The following PARD3 variants were observed in gnomAD, a reference collection of about 807,000 sequenced individuals.
The protein encoded by PARD3 is par-3 family cell polarity regulator, also known as partitioning defective 3 homolog.
PARD3 carries 75 observed loss-of-function variants against 155.4 expected under a neutral mutation model. The observed-to-expected ratio is 0.48, with a 90% CI of 0.40 to 0.58. The LOEUF (loss-of-function observed/expected upper bound fraction) is 0.58. Among genes scored for constraint, PARD3 ranks in the 20% least tolerant of loss-of-function variants. The probability of loss-of-function intolerance (pLI) is 0.00; values close to 1 mark genes in which losing one functional copy is unlikely to be tolerated. For synonymous variants in PARD3, 576 were observed against 610.5 expected (o/e 0.94, Z 0.83); for missense variants, 1,642 against 1,721.7 (o/e 0.95, Z 0.82).
At position 34,118,126 on chromosome 10, in the gene PARD3, TA is replaced by T. The variant is rs1946784172; in HGVS notation, c.3668+1486del. 2.0e-5 allele frequency among the ~76,000 whole-genome samples: 3 copies of T among 152,176 alleles called. No homozygotes were observed. In the South Asian group the frequency reaches 6.2e-4, roughly 32 times the overall value. On this transcript the variant is annotated intron_variant, in intron 24 of 24. Coordinates refer to ENST00000374788, the MANE Select transcript of PARD3 (RefSeq NM_001184785.2). ...TTAATGACTCTTACCTACAGCAGGCTAAAGAACCTGGCAATTCTCCTCTTTA... is the reference window on the plus strand; with the variant it reads ...TTAATGACTCTTACCTACAGCAGGCTAAGAACCTGGCAATTCTCCTCTTTA...
intron 1 of PARD3, among the ~76,000 whole-genome samples, chr10:34,716,496 G>A (rs184769697): frequency 6.6e-6 from 1 of 151,568 alleles, no homozygotes; most frequent in East Asian, 1.9e-4. Flanking sequence ...GGGAGGAGGG[G>A]ACAAAAGAGC....
chr10:34,448,134 C>CGCGT (rs1554860424), intron 5 of PARD3, among the ~76,000 whole-genome samples: 1 of 147,042 alleles, frequency 6.8e-6, no homozygotes, highest in Non-Finnish European at 1.5e-5. Flanking sequence ...ATATACACTG[C>CGCGT]GTGTGTGTGT....
intron 7 of PARD3, among the ~76,000 whole-genome samples, chr10:34,392,360 T>C (rs1487141642): frequency 6.6e-6 from 1 of 152,176 alleles, no homozygotes; most frequent in Non-Finnish European, 1.5e-5. Context: ...CCTGATATTC[T>C]GAATATTGTA....
intron 20 of PARD3, among the ~76,000 whole-genome samples, chr10:34,306,378 G>A (rs932614728): frequency 1.1e-4 from 17 of 151,062 alleles, no homozygotes; most frequent in South Asian, 8.4e-4. Context: ...CGGGCCAGGC[G>A]TGGCAGCTCA....
At chr10:34,453,141 G>A (rs1167200042) in intron 4 of PARD3, among the ~76,000 whole-genome samples, 1 of 152,164 alleles carries the variant, frequency 6.6e-6, no homozygotes, top group Non-Finnish European at 1.5e-5. Context: ...TTCAGACAAT[G>A]GTGCTTACTG....
chr10:34,245,046 CGGGAGA>C (rs1953854802), intron 22 of PARD3, among the ~76,000 whole-genome samples: 1 of 150,304 alleles, frequency 6.7e-6, no homozygotes, highest in Non-Finnish European at 1.5e-5. Context: ...AAGAAGATGT[CGGGAGA>C]ACACAGGGAA....
In PARD3 at chr10:34,382,685, G is replaced by A. The variant is rs1346834953; in HGVS notation, c.1254C>T (p.His418=). Residue 418 remains histidine (H), a synonymous_variant, in exon 9 of 25, where the codon CAC becomes CAT. Coordinates refer to ENST00000374788, the MANE Select transcript of PARD3 (RefSeq NM_001184785.2). ...LNHPPEQIDS[H]SRLPHSAHPS... ...GGTGTGCGCTATGAGGTAGTCTTGA[G>A]TGAGAGTCTATCTGCTCAGGCGGGT... The A allele has an allele frequency of 6.2e-7, 1 of 1,614,068 alleles. No individual in the cohort carries two copies. The highest frequency in any genetic ancestry group is 8.5e-7 in the Non-Finnish European group (1 of 1,180,050).
At chr10:34,541,775 T>A (rs755031907) in intron 2 of PARD3, among the ~76,000 whole-genome samples, 1 of 152,190 alleles carries the variant, frequency 6.6e-6, no homozygotes, top group Non-Finnish European at 1.5e-5. Flanking sequence ...ACACATCCCA[T>A]CCACAGAGAA....
intron 14 of PARD3, among the ~76,000 whole-genome samples, chr10:34,349,620 C>T (rs11009747): frequency 0.27 from 21,084 of 77,242 alleles, 2,532 homozygotes; most frequent in African/African-American, 0.48. Context: ...GCTAATAAAA[C>T]GAATACTCTA....
intron 22 of PARD3, among the ~76,000 whole-genome samples, chr10:34,148,567 C>G (rs551287231): frequency 6.6e-6 from 1 of 152,272 alleles, no homozygotes; most frequent in Non-Finnish European, 1.5e-5. Flanking sequence ...AATGCCATCT[C>G]TGTGGTCTCA....
Position 34,662,041 on chromosome 10 carries a change from G to T in PARD3, c.222+34277C>A, listed in dbSNP as rs572138609. On this transcript the variant is annotated intron_variant, in intron 2 of 24. Transcript: ENST00000374788. Reference sequence around the variant, plus strand: ...TTGACCTGCAGGCCTAACCGTGAAGGCTACTACTGGGCAGGGAGCTACTTA... The same window carrying T: ...TTGACCTGCAGGCCTAACCGTGAAGTCTACTACTGGGCAGGGAGCTACTTA... Among the ~76,000 whole-genome samples, 3 of 152,264 alleles carry T rather than the reference G, an allele frequency of 2.0e-5. No individual in the cohort carries two copies. The East Asian group carries it at 5.8e-4, about 29-fold the overall frequency.
At chr10:34,711,662 A>G (rs951373614) in intron 1 of PARD3, among the ~76,000 whole-genome samples, 1 of 152,326 alleles carries the variant, frequency 6.6e-6, no homozygotes, top group South Asian at 2.1e-4. Flanking sequence ...CAAACAAAGC[A>G]CTGTGTTGCA....
At chr10:34,780,965 AC>A (rs1840168264) in intron 1 of PARD3, among the ~76,000 whole-genome samples, 4 of 152,250 alleles carry the variant, frequency 2.6e-5, no homozygotes, top group Admixed American at 2.6e-4. Context: ...CATAAAAGCA[AC>A]TTGGGATTTC....
intron 2 of PARD3, among the ~76,000 whole-genome samples, chr10:34,519,508 A>G (rs2081994716): frequency 1.3e-5 from 2 of 152,092 alleles, no homozygotes; most frequent in African/African-American, 4.8e-5. Flanking sequence ...ATGCTAATAT[A>G]CTTCTTATAA....
intron 12 of PARD3, among the ~76,000 whole-genome samples, chr10:34,368,839 T>TAAA (rs71033310): frequency 0.24 from 26,220 of 108,052 alleles, 3,348 homozygotes; most frequent in South Asian, 0.41. Flanking sequence ...ATGAGCAATG[T>TAAA]AAAAAAAAAA....
intron 1 of PARD3, among the ~76,000 whole-genome samples, chr10:34,771,629 T>C (rs775335402): frequency 2.6e-5 from 4 of 152,250 alleles, no homozygotes; most frequent in Non-Finnish European, 5.9e-5. Context: ...TTCTTTGGTG[T>C]CTGGTTTTGA....
intron 21 of PARD3, among the ~76,000 whole-genome samples, chr10:34,283,184 G>C (rs1416674459): frequency 6.6e-6 from 1 of 152,046 alleles, no homozygotes; most frequent in East Asian, 1.9e-4. Context: ...AAGCAGCCTA[G>C]CTTTAGAATT....
At chr10:34,784,291 G>C (rs142456396) in intron 1 of PARD3, among the ~76,000 whole-genome samples, 4 of 152,098 alleles carry the variant, frequency 2.6e-5, no homozygotes, top group African/African-American at 4.8e-5. Context: ...ATATAAAAGA[G>C]TAAAGAAAGA....
At chr10:34,526,329 C>A (rs1278641825) in intron 2 of PARD3, among the ~76,000 whole-genome samples, 1 of 152,152 alleles carries the variant, frequency 6.6e-6, no homozygotes, top group African/African-American at 2.4e-5. Flanking sequence ...ACTCCCTTCA[C>A]TCCCAGGCAT....
Sources: allele counts gnomAD v4.1 joint callset (sites outside exome capture counted in the v4.1 genomes callset), GRCh38; gene constraint gnomAD v4.1.1; transcripts MANE v1.5; gene names NCBI Gene and HGNC (gene_info 2026-07-23, HGNC 2026-07-21).